The following RABGAP1L variants were observed in gnomAD, a reference collection of about 807,000 sequenced individuals.
The protein encoded by RABGAP1L is RAB GTPase activating protein 1 like.
A neutral mutation model predicts 137.7 loss-of-function variants in RABGAP1L; 63 were observed. That is an observed-to-expected ratio of 0.46 (90% CI 0.37 to 0.56). RABGAP1L has a LOEUF of 0.56. Among genes scored for constraint, RABGAP1L ranks in the 20% least tolerant of loss-of-function variants. The probability of loss-of-function intolerance (pLI) is 0.00; values close to 1 mark genes in which losing one functional copy is unlikely to be tolerated. For missense variants in RABGAP1L, 1,095 were observed against 1,244.0 expected, an observed-to-expected ratio of 0.88 and a Z score of 1.80; for synonymous variants, 431 against 433.7, an observed-to-expected ratio of 0.99 and a Z score of 0.08.
chr1:174,263,602 G>A (rs1305996298), intron 7 of RABGAP1L, among the ~76,000 whole-genome samples: 1 of 152,014 alleles, frequency 6.6e-6, no homozygotes, highest in Non-Finnish European at 1.5e-5. Flanking sequence ...CACAGTAATG[G>A]CAAGGAAAAA....
At chr1:174,439,946 T>C (rs1488183548) in intron 13 of RABGAP1L, among the ~76,000 whole-genome samples, 1 of 152,208 alleles carries the variant, frequency 6.6e-6, no homozygotes, top group African/African-American at 2.4e-5. Flanking sequence ...CTATAATATG[T>C]GTAGAATCTG....
At chr1:174,205,233 G>A (rs1668423568) in intron 1 of RABGAP1L, among the ~76,000 whole-genome samples, 1 of 152,146 alleles carries the variant, frequency 6.6e-6, no homozygotes, top group Non-Finnish European at 1.5e-5. Context: ...TTGCGTTGAT[G>A]TTCATCAAGG....
At chr1:174,214,301 A>G (rs545751552) in intron 1 of RABGAP1L, among the ~76,000 whole-genome samples, 37 of 152,304 alleles carry the variant, frequency 2.4e-4, no homozygotes, top group Non-Finnish European at 4.1e-4. Context: ...GATCTCCACA[A>G]TGAAAACCAT....
chr1:174,788,781 G>A (rs554098727), intron 18 of RABGAP1L, among the ~76,000 whole-genome samples: 3 of 152,154 alleles, frequency 2.0e-5, no homozygotes, highest in South Asian at 2.1e-4. Context: ...GCATGATCTC[G>A]GCTTACTGGA....
In RABGAP1L at chr1:174,186,207, C is replaced by A. The variant is rs534472426; in HGVS notation, c.-34+26550C>A. Among the ~76,000 whole-genome samples the A allele has an allele frequency of 6.8e-4, 103 of 151,866 alleles. 1 individual carries two copies. Among genetic ancestry groups the A allele is most frequent in the Middle Eastern group, 3.4e-3 (1 of 292 alleles). On this transcript the variant is annotated intron_variant, in intron 1 of 25. Transcript: ENST00000681986. ...TAATTCTAAGAGAGTTTTATGTTGA[C>A]TTCTAGTGCTTTTTGGGCGCTGATG...
intron 14 of RABGAP1L, among the ~76,000 whole-genome samples, chr1:174,678,926 G>A (rs868259334): frequency 6.6e-6 from 1 of 152,240 alleles, no homozygotes; most frequent in Non-Finnish European, 1.5e-5. Flanking sequence ...GTGGGTGTGC[G>A]ACAGTGGCAA....
intron 16 of RABGAP1L, among the ~76,000 whole-genome samples, chr1:174,701,660 T>C (rs940463399): frequency 4.0e-5 from 6 of 151,766 alleles, no homozygotes; most frequent in African/African-American, 1.5e-4. Flanking sequence ...GGAAAATGGC[T>C]TGAACCTGGG....
intron 1 of RABGAP1L, among the ~76,000 whole-genome samples, chr1:174,180,686 C>G (rs186861829): frequency 6.6e-6 from 1 of 152,074 alleles, no homozygotes; most frequent in Non-Finnish European, 1.5e-5. Context: ...AAGCTGGTCT[C>G]GAACTCCTGG....
At chr1:174,754,082 C>G (rs1295498847) in intron 18 of RABGAP1L, among the ~76,000 whole-genome samples, 1 of 152,184 alleles carries the variant, frequency 6.6e-6, no homozygotes, top group Non-Finnish European at 1.5e-5. Context: ...TCCATGTTAA[C>G]ACAGACAAGG....
intron 13 of RABGAP1L, among the ~76,000 whole-genome samples, chr1:174,500,469 GTTTGA>G (rs1661158036): frequency 6.6e-6 from 1 of 152,122 alleles, no homozygotes; most frequent in Non-Finnish European, 1.5e-5. Flanking sequence ...GGCTCTGTTA[GTTTGA>G]TTTGTTCACT....
At chr1:174,514,414 C>T (rs529238490) in intron 13 of RABGAP1L, among the ~76,000 whole-genome samples, 240 of 152,212 alleles carry the variant, frequency 1.6e-3, no homozygotes, top group Middle Eastern at 3.4e-3. Flanking sequence ...CCTCAAGAAG[C>T]TTGACCTGAA....
chr1:174,377,756 ACT>A (rs144535757), intron 12 of RABGAP1L, among the ~76,000 whole-genome samples: 2 of 98,798 alleles, frequency 2.0e-5, no homozygotes, highest in Non-Finnish European at 5.2e-5. Flanking sequence ...AGCAACTGCA[ACT>A]CTTTTTTTTT....
In RABGAP1L at chr1:174,527,157, C is replaced by G. The variant is rs182190986; in HGVS notation, c.1711-110218C>G. 2.5e-3 allele frequency among the ~76,000 whole-genome samples: 372 copies of G among 146,458 alleles called. 2 individuals carry two copies. The highest frequency in any genetic ancestry group is 3.9e-3 in the Non-Finnish European group (259 of 66,572). ...TCAACATTCCTCTTGGTTAAAACTT[C>G]TAGTTGTATTTCATTGTGGTCTGAG... On this transcript the variant is annotated intron_variant, in intron 13 of 25. Transcript: ENST00000681986.
chr1:174,578,512 A>G (rs1668525876), intron 13 of RABGAP1L, among the ~76,000 whole-genome samples: 1 of 152,150 alleles, frequency 6.6e-6, no homozygotes. Flanking sequence ...TAAGCATAAG[A>G]AACATAGGAT....
intron 1 of RABGAP1L, among the ~76,000 whole-genome samples, chr1:174,188,623 G>A (rs1666982621): frequency 6.6e-6 from 1 of 152,160 alleles, no homozygotes; most frequent in African/African-American, 2.4e-5. Flanking sequence ...TAACACTTTT[G>A]TGTCTTCTCT....
At chr1:174,908,348 A>G (rs1205540117) in intron 19 of RABGAP1L, among the ~76,000 whole-genome samples, 3 of 152,160 alleles carry the variant, frequency 2.0e-5, no homozygotes, top group Non-Finnish European at 2.9e-5. Context: ...CAGAATACAC[A>G]TTCTCTTCAT....
chr1:174,239,705 C>T (rs1023565923), intron 4 of RABGAP1L, among the ~76,000 whole-genome samples: 1 of 152,060 alleles, frequency 6.6e-6, no homozygotes, highest in Non-Finnish European at 1.5e-5. Context: ...GCTTCAGTGG[C>T]TAGGGAAGTA....
At chr1:174,883,814 CAT>C (rs1654645492) in intron 19 of RABGAP1L, among the ~76,000 whole-genome samples, 2 of 152,162 alleles carry the variant, frequency 1.3e-5, no homozygotes, top group Non-Finnish European at 2.9e-5. Flanking sequence ...TTAGTCTACA[CAT>C]GTTGGTTAGT....
chr1:174,278,900 G>A (rs1675246239), intron 10 of RABGAP1L, 121 bp downstream of exon 10: 2 of 889,416 alleles, frequency 2.2e-6, no homozygotes, highest in Non-Finnish European at 3.2e-6. Context: ...GAAATCAAAT[G>A]ATATTTGAAG....
Sources: allele counts gnomAD v4.1 joint callset (sites outside exome capture counted in the v4.1 genomes callset), GRCh38; gene constraint gnomAD v4.1.1; transcripts MANE v1.5; gene names NCBI Gene and HGNC (gene_info 2026-07-23, HGNC 2026-07-21).